Variants in CACNA2D3 observed in about 807,000 individuals in gnomAD.
CACNA2D3 encodes the protein calcium voltage-gated channel auxiliary subunit alpha2delta 3, also known as voltage-dependent calcium channel subunit alpha-2/delta-3.
CACNA2D3 carries 60 observed loss-of-function variants against 160.6 expected under a neutral mutation model. The ratio of observed to expected loss-of-function variants is 0.37; its 90% CI spans 0.30 to 0.46. The LOEUF is 0.46. Ranked by LOEUF, CACNA2D3 falls within the 20% of genes least tolerant of loss-of-function variation. The pLI, the probability that CACNA2D3 is intolerant of heterozygous loss-of-function variation, is 1.00. For synonymous variants in CACNA2D3, 558 were observed against 492.9 expected, an observed-to-expected ratio of 1.13 and a Z score of -1.75; for missense variants, 1,205 against 1,365.0, an observed-to-expected ratio of 0.88 and a Z score of 1.85.
At chr3:54,464,975 T>G (rs1042135446) in intron 4 of CACNA2D3, among the ~76,000 whole-genome samples, 3 of 152,198 alleles carry the variant, frequency 2.0e-5, no homozygotes, top group African/African-American at 7.2e-5. Context: ...ACTTCCATAA[T>G]GTGAACATTT....
At chr3:54,535,903 T>C (rs1285616329) in intron 5 of CACNA2D3, among the ~76,000 whole-genome samples, 2 of 152,216 alleles carry the variant, frequency 1.3e-5, no homozygotes, top group Admixed American at 6.5e-5. Flanking sequence ...CTCATTCTTG[T>C]CTGGAAAACA....
intron 9 of CACNA2D3, among the ~76,000 whole-genome samples, chr3:54,615,150 A>G (rs1327644403): frequency 1.3e-5 from 2 of 152,242 alleles, no homozygotes; most frequent in African/African-American, 4.8e-5. Flanking sequence ...ATAAATGAAG[A>G]GAGATGATGA....
intron 4 of CACNA2D3, among the ~76,000 whole-genome samples, chr3:54,473,854 G>T (rs982738772): frequency 6.6e-6 from 1 of 152,058 alleles, no homozygotes. Context: ...ACCCCATGAC[G>T]ATGGTGCCAT....
intron 9 of CACNA2D3, among the ~76,000 whole-genome samples, chr3:54,600,677 A>G (rs1703044537): frequency 6.6e-6 from 1 of 152,096 alleles, no homozygotes; most frequent in African/African-American, 2.4e-5. Context: ...GGAACTGACT[A>G]TTTTTAAATA....
rs759973309 is a variant in CACNA2D3 at position 54,581,793 on chromosome 3, T to C, written c.889-10T>C. ...ATTAAGTGTTCCTTCTTGACTTTTTTCCTTTGCAGTATAATGAGGAGCTTC... is the reference window on the plus strand; with the variant it reads ...ATTAAGTGTTCCTTCTTGACTTTTTCCCTTTGCAGTATAATGAGGAGCTTC... On this transcript the variant is annotated splice_polypyrimidine_tract_variant and intron_variant, in intron 8 of 37. Transcript: ENST00000474759. The C allele has an allele frequency of 3.7e-6, 6 of 1,611,406 alleles. No individual in the cohort carries two copies. Among genetic ancestry groups the C allele is most frequent in the Non-Finnish European group, 5.1e-6 (6 of 1,178,220 alleles).
chr3:54,748,169 C>T (rs541783622), intron 11 of CACNA2D3, among the ~76,000 whole-genome samples: 1 of 152,256 alleles, frequency 6.6e-6, no homozygotes, highest in South Asian at 2.1e-4. Context: ...GTGCAGGCAG[C>T]AGCAGCCTAT....
intron 11 of CACNA2D3, among the ~76,000 whole-genome samples, chr3:54,658,911 C>G (rs558407701): frequency 6.6e-6 from 1 of 152,084 alleles, no homozygotes; most frequent in Non-Finnish European, 1.5e-5. Flanking sequence ...CTCTGCGCAG[C>G]CCACTGTTCT....
At chr3:54,688,404 T>C (rs1416081754) in intron 11 of CACNA2D3, among the ~76,000 whole-genome samples, 1 of 151,830 alleles carries the variant, frequency 6.6e-6, no homozygotes, top group East Asian at 2.0e-4. Context: ...TTTTTTCCTA[T>C]GAATGTTATG....
At chr3:54,545,588 C>G (rs1702048489) in intron 5 of CACNA2D3, among the ~76,000 whole-genome samples, 1 of 152,132 alleles carries the variant, frequency 6.6e-6, no homozygotes, top group African/African-American at 2.4e-5. Flanking sequence ...ACTTTCCTTG[C>G]TGGTGACTGA....
chr3:54,373,935 T>G (rs1400742358), intron 3 of CACNA2D3, among the ~76,000 whole-genome samples: 1 of 152,184 alleles, frequency 6.6e-6, no homozygotes, highest in Non-Finnish European at 1.5e-5. Flanking sequence ...CCCTCCCACT[T>G]TCACAGCTCT....
chr3:54,124,924 A>T (rs73083927), intron 2 of CACNA2D3, among the ~76,000 whole-genome samples: 1 of 151,996 alleles, frequency 6.6e-6, no homozygotes, highest in Non-Finnish European at 1.5e-5. Context: ...AAGGAATTGC[A>T]TAGGAATTGC....
At chr3:54,559,493 A>G (rs887808454) in intron 5 of CACNA2D3, among the ~76,000 whole-genome samples, 2 of 152,002 alleles carry the variant, frequency 1.3e-5, no homozygotes, top group African/African-American at 2.4e-5. Context: ...GGCTTTCACC[A>G]TGTTGGCCAG....
chr3:54,520,255 A>G (rs1401172390), intron 5 of CACNA2D3, among the ~76,000 whole-genome samples: 1 of 152,236 alleles, frequency 6.6e-6, no homozygotes, highest in African/African-American at 2.4e-5. Context: ...CAACTCTGTC[A>G]GAAGTACTGG....
chr3:54,703,737 A>T (rs934329410), intron 11 of CACNA2D3, among the ~76,000 whole-genome samples: 3 of 152,190 alleles, frequency 2.0e-5, no homozygotes, highest in African/African-American at 7.2e-5. Context: ...ATGTTGTATC[A>T]TGAGTGTCAC....
chr3:54,469,765 C>T (rs1029858725), intron 4 of CACNA2D3, among the ~76,000 whole-genome samples: 6 of 151,948 alleles, frequency 3.9e-5, no homozygotes, highest in South Asian at 2.1e-4. Context: ...AAACACAGCA[C>T]GAGAACTTCA....
chr3:54,606,550 T>C lies in CACNA2D3; in HGVS notation c.964-21237T>C, dbSNP rs112811060. Among the ~76,000 whole-genome samples, 384 of 152,150 alleles carry C rather than the reference T, an allele frequency of 2.5e-3. 4 individuals carry two copies. The highest frequency in any genetic ancestry group is 3.4e-3 in the Non-Finnish European group (229 of 68,002). ...GGGTTCCAGGAAGAAGAGACAAGGA[T>C]GATGCTAGGATTTGGGGTCTGAGTC... On this transcript the variant is annotated intron_variant, in intron 9 of 37. Transcript: ENST00000474759.
chr3:54,526,655 A>T (rs185107413), intron 5 of CACNA2D3, among the ~76,000 whole-genome samples: 50 of 152,200 alleles, frequency 3.3e-4, no homozygotes, highest in African/African-American at 1.2e-3. Context: ...CCCTGGCTAC[A>T]CCAACCCTTA....
At chr3:54,458,530 TCTA>T (rs1385520005) in intron 4 of CACNA2D3, among the ~76,000 whole-genome samples, 1 of 151,810 alleles carries the variant, frequency 6.6e-6, no homozygotes, top group Non-Finnish European at 1.5e-5. Flanking sequence ...TGCTGAGAAA[TCTA>T]CTGATAGTCT....
chr3:54,184,230 G>A (rs992651164), intron 2 of CACNA2D3, among the ~76,000 whole-genome samples: 2 of 152,202 alleles, frequency 1.3e-5, no homozygotes, highest in South Asian at 4.1e-4. Context: ...GGAACATTTG[G>A]CGCACACTTG....
Sources: gnomAD v4.1 joint callset for allele counts (sites outside exome capture counted in the v4.1 genomes callset) on GRCh38, gnomAD v4.1.1 for gene constraint, MANE v1.5 for transcripts, NCBI Gene and HGNC (gene_info 2026-07-23, HGNC 2026-07-21) for gene names.